TRPM3: variants seen among roughly 807,000 people sequenced by gnomAD.
TRPM3 encodes transient receptor potential cation channel subfamily M member 3, also known as long transient receptor potential channel 3.
A neutral mutation model predicts 181.2 loss-of-function variants in TRPM3; 77 were observed. The observed-to-expected ratio is 0.42, with a 90% CI of 0.35 to 0.51. TRPM3 has a LOEUF of 0.51. TRPM3 is among the 20% of genes least tolerant of loss of function. The pLI, the probability that TRPM3 is intolerant of heterozygous loss-of-function variation, is 0.01. For missense variants in TRPM3, 1,759 were observed against 2,196.7 expected (o/e 0.80, Z 3.98); for synonymous variants, 745 against 796.4 (o/e 0.94, Z 1.09).
At chr9:70,876,867 CA>C (rs1564665917) in intron 1 of TRPM3, among the ~76,000 whole-genome samples, 3 of 151,828 alleles carry the variant, frequency 2.0e-5, no homozygotes, top group Non-Finnish European at 4.4e-5. Flanking sequence ...TTTAGGTTTA[CA>C]AAAAAAGTTG....
At chr9:70,667,108 A>C (rs953050386) in intron 9 of TRPM3, among the ~76,000 whole-genome samples, 2 of 150,934 alleles carry the variant, frequency 1.3e-5, no homozygotes, top group Non-Finnish European at 3.0e-5. Context: ...CTCGCTGTTT[A>C]TCTCTCTCTC....
intron 1 of TRPM3, among the ~76,000 whole-genome samples, chr9:71,104,713 C>T: frequency 6.6e-6 from 1 of 152,066 alleles, no homozygotes; most frequent in East Asian, 1.9e-4. Flanking sequence ...GTTGTTATTG[C>T]TTTTAAAGGT....
At chr9:71,349,565 A>G (rs113856911) in intron 1 of TRPM3, among the ~76,000 whole-genome samples, 2,145 of 152,338 alleles carry the variant, frequency 0.014, 23 homozygotes, top group Middle Eastern at 0.062. Context: ...ATTTTATAAT[A>G]TTTTAACGGT....
At chr9:71,062,837 C>T (rs2061478915) in intron 1 of TRPM3, among the ~76,000 whole-genome samples, 1 of 152,072 alleles carries the variant, frequency 6.6e-6, no homozygotes, top group Non-Finnish European at 1.5e-5. Context: ...CTTCCGCCTT[C>T]TACCACAGAT....
At chr9:71,229,472 A>C (rs2080906552) in intron 1 of TRPM3, among the ~76,000 whole-genome samples, 1 of 152,154 alleles carries the variant, frequency 6.6e-6, no homozygotes, top group African/African-American at 2.4e-5. Flanking sequence ...AATCACATCA[A>C]GTTAAAAAGC....
At chr9:71,349,120 T>C (rs962724085) in intron 1 of TRPM3, among the ~76,000 whole-genome samples, 1 of 152,174 alleles carries the variant, frequency 6.6e-6, no homozygotes, top group Admixed American at 6.5e-5. Flanking sequence ...TTCTGAAGAT[T>C]GCCTGCTCCA....
intron 7 of TRPM3, among the ~76,000 whole-genome samples, chr9:70,769,188 A>G (rs1003305511): frequency 6.6e-6 from 1 of 152,158 alleles, no homozygotes; most frequent in African/African-American, 2.4e-5. Flanking sequence ...TACAGAATTT[A>G]AGATTTGTCT....
At chr9:70,977,141 AT>A (rs916412242) in intron 1 of TRPM3, among the ~76,000 whole-genome samples, 11 of 151,022 alleles carry the variant, frequency 7.3e-5, no homozygotes, top group Admixed American at 2.0e-4. Flanking sequence ...TTATTTATTT[AT>A]TTTTTTTTTT....
At chr9:70,930,611 TTA>T (rs1423328528) in intron 1 of TRPM3, among the ~76,000 whole-genome samples, 66 of 152,334 alleles carry the variant, frequency 4.3e-4, no homozygotes, top group African/African-American at 1.5e-3. Context: ...TGTGGTCTTA[TTA>T]ATGATACATT....
chr9:71,182,757 G>C (rs1422169719), intron 1 of TRPM3, among the ~76,000 whole-genome samples: 5 of 152,112 alleles, frequency 3.3e-5, no homozygotes, highest in African/African-American at 1.2e-4. Context: ...CAACGCCGTG[G>C]TTCAAGGGAT....
At chr9:70,664,659 T>TTTG in intron 9 of TRPM3, among the ~76,000 whole-genome samples, 1 of 124,144 alleles carries the variant, frequency 8.1e-6, no homozygotes, top group Non-Finnish European at 1.7e-5. Context: ...TTTTTTTTTT[T>TTTG]TTTTTTTTTG....
chr9:71,427,007 G>T (rs998689568), intron 1 of TRPM3, among the ~76,000 whole-genome samples: 1 of 152,184 alleles, frequency 6.6e-6, no homozygotes, highest in African/African-American at 2.4e-5. Flanking sequence ...TTGGTAGTCA[G>T]CTAAGAAATG....
chr9:71,326,389 C>T (rs1301229766), intron 1 of TRPM3, among the ~76,000 whole-genome samples: 3 of 152,136 alleles, frequency 2.0e-5, no homozygotes, highest in Non-Finnish European at 4.4e-5. Context: ...CTCTTTGTAT[C>T]ACAAGTATGT....
chr9:70,884,242 A>G (rs1165625888), intron 1 of TRPM3, among the ~76,000 whole-genome samples: 2 of 152,186 alleles, frequency 1.3e-5, no homozygotes, highest in East Asian at 1.9e-4. Context: ...TTCCTTCTGT[A>G]TTACAAAAGT....
intron 6 of TRPM3, among the ~76,000 whole-genome samples, chr9:70,813,345 T>C (rs1334048249): frequency 6.6e-6 from 1 of 152,178 alleles, no homozygotes; most frequent in East Asian, 1.9e-4. Flanking sequence ...AAGAATAAAA[T>C]CATTATGTCC....
chr9:70,580,934 T>C (rs1216555259), intron 22 of TRPM3, among the ~76,000 whole-genome samples: 2 of 152,234 alleles, frequency 1.3e-5, no homozygotes, highest in African/African-American at 2.4e-5. Flanking sequence ...CCTTCAAAAC[T>C]GAGGCAACAA....
chr9:71,082,173 A>G (rs2064471206), intron 1 of TRPM3, among the ~76,000 whole-genome samples: 1 of 152,154 alleles, frequency 6.6e-6, no homozygotes, highest in Admixed American at 6.6e-5. Flanking sequence ...CCAATCTCAA[A>G]TCTTGTAGGA....
At chr9:70,993,624 T>C (rs1354197575) in intron 1 of TRPM3, among the ~76,000 whole-genome samples, 1 of 151,674 alleles carries the variant, frequency 6.6e-6, no homozygotes, top group African/African-American at 2.4e-5. Context: ...GAACTGGAAA[T>C]GCAGATTTGA....
chr9:71,313,722 G>C (rs2132417611), intron 1 of TRPM3, among the ~76,000 whole-genome samples: 1 of 152,074 alleles, frequency 6.6e-6, no homozygotes, highest in East Asian at 1.9e-4. Context: ...CATTTAAATT[G>C]CAACAATGAG....
Sources: allele counts gnomAD v4.1 joint callset (sites outside exome capture counted in the v4.1 genomes callset), GRCh38; gene constraint gnomAD v4.1.1; transcripts MANE v1.5; gene names NCBI Gene and HGNC (gene_info 2026-07-23, HGNC 2026-07-21).